RBFOX1: variants seen among roughly 807,000 people sequenced by gnomAD.
RBFOX1 encodes RNA binding protein fox-1 homolog 1.
RBFOX1 carries 8 observed loss-of-function variants against 57.7 expected under a neutral mutation model. The observed-to-expected ratio is 0.14, with a 90% CI of 0.08 to 0.25. The LOEUF (loss-of-function observed/expected upper bound fraction) is 0.25. Among genes scored for constraint, RBFOX1 ranks in the 10% least tolerant of loss-of-function variants. The pLI, the probability that RBFOX1 is intolerant of heterozygous loss-of-function variation, is 1.00. For synonymous variants in RBFOX1, 326 were observed against 222.4 expected (o/e 1.47, Z -4.15); for missense variants, 611 against 548.5 (o/e 1.11, Z -1.14).
chr16:5,622,151 C>G (rs1054622790), intron 3 of RBFOX1, among the ~76,000 whole-genome samples: 2 of 152,202 alleles, frequency 1.3e-5, no homozygotes, highest in South Asian at 4.1e-4. Context: ...ACCAATTCCA[C>G]TTGGCATCGA....
At chr16:6,634,753 G>GATATATTTGTATTAA (rs1567972966) in intron 2 of RBFOX1, among the ~76,000 whole-genome samples, 3 of 33,680 alleles carry the variant, frequency 8.9e-5, no homozygotes, top group Non-Finnish European at 2.8e-4. Flanking sequence ...AATATACAAA[G>GATATATTTGTATTAA]ATATACATAT....
At position 7,527,268 on chromosome 16, in the gene RBFOX1, A is replaced by G. The variant is rs899098567; in HGVS notation, c.270+8879A>G. 3.9e-5 allele frequency among the ~76,000 whole-genome samples: 6 copies of G among 152,142 alleles called. No homozygotes were observed. In the East Asian group the frequency reaches 1.2e-3, roughly 29 times the overall value. On this transcript the variant is annotated intron_variant, in intron 5 of 15. Transcript: ENST00000550418. Reference sequence around the variant, plus strand: ...CTCACTCCCATGTATTCTCTGCAATACATGGCCCTTGGCTTTCAGGATAAA... The same window carrying G: ...CTCACTCCCATGTATTCTCTGCAATGCATGGCCCTTGGCTTTCAGGATAAA...
chr16:6,592,594 T>G (rs1262280539), intron 2 of RBFOX1, among the ~76,000 whole-genome samples: 1 of 152,172 alleles, frequency 6.6e-6, no homozygotes, highest in South Asian at 2.1e-4. Flanking sequence ...TGTAATACCT[T>G]TCTTTGCTTT....
rs571325054 is a variant in RBFOX1, at chr16:5,960,048, A to C, written c.351+92713A>C. On this transcript the variant is annotated intron_variant, in intron 4 of 19. Coordinates refer to the RBFOX1 transcript ENST00000641259. ...AAACCCCGTCTCTACTATAAATAAAAAAATTAGCCGGGCATGGTGACATGT... is the reference window on the plus strand; with the variant it reads ...AAACCCCGTCTCTACTATAAATAAACAAATTAGCCGGGCATGGTGACATGT... Among the ~76,000 whole-genome samples the C allele has an allele frequency of 1.2e-4, 18 of 152,262 alleles. No individual in the cohort carries two copies. In the South Asian group the frequency reaches 2.1e-3, roughly 18 times the overall value.
chr16:7,555,057 C>T (rs994362522), intron 5 of RBFOX1, among the ~76,000 whole-genome samples: 7 of 151,980 alleles, frequency 4.6e-5, no homozygotes, highest in African/African-American at 1.5e-4. Flanking sequence ...CAGAATAAAT[C>T]GGATAAAGGG....
chr16:7,227,631 T>C (rs1426088536), intron 4 of RBFOX1, among the ~76,000 whole-genome samples: 2 of 152,022 alleles, frequency 1.3e-5, no homozygotes, highest in Non-Finnish European at 2.9e-5. Flanking sequence ...AGCCCAGTCA[T>C]TGTAGCCACT....
chr16:6,132,848 A>G (rs1156417981), intron 1 of RBFOX1, among the ~76,000 whole-genome samples: 1 of 151,842 alleles, frequency 6.6e-6, no homozygotes, highest in African/African-American at 2.4e-5. Context: ...TTAGCTGGGC[A>G]TGGTGGCGCA....
intron 3 of RBFOX1, among the ~76,000 whole-genome samples, chr16:7,036,880 C>T (rs1046243091): frequency 2.6e-5 from 4 of 152,166 alleles, no homozygotes; most frequent in Admixed American, 1.3e-4. Flanking sequence ...TGATGAGCCC[C>T]TTGGGGCTGC....
At chr16:7,509,969 T>TG (rs2074553080) in intron 4 of RBFOX1, among the ~76,000 whole-genome samples, 2 of 146,014 alleles carry the variant, frequency 1.4e-5, no homozygotes, top group Non-Finnish European at 3.0e-5. Context: ...GCAGTGGGTT[T>TG]TTTTTTTTTT....
chr16:7,582,611 G>A (rs559101224), intron 6 of RBFOX1, among the ~76,000 whole-genome samples: 2 of 152,290 alleles, frequency 1.3e-5, no homozygotes, highest in South Asian at 4.1e-4. Flanking sequence ...CTGGAGCTTA[G>A]GGAATTTAGG....
intron 4 of RBFOX1, among the ~76,000 whole-genome samples, chr16:5,975,091 A>T (rs1334208391): frequency 6.6e-6 from 1 of 152,242 alleles, no homozygotes; most frequent in Non-Finnish European, 1.5e-5. Flanking sequence ...TAATAAGTTG[A>T]AACAACAACA....
chr16:7,704,377 AATG>A (rs2081748496), intron 14 of RBFOX1, among the ~76,000 whole-genome samples: 4 of 152,154 alleles, frequency 2.6e-5, no homozygotes, highest in Admixed American at 6.5e-5. Context: ...AACTCACAGA[AATG>A]ATGTAAAAAG....
intron 3 of RBFOX1, among the ~76,000 whole-genome samples, chr16:7,024,947 A>T (rs1242073351): frequency 6.6e-6 from 1 of 152,164 alleles, no homozygotes; most frequent in Non-Finnish European, 1.5e-5. Context: ...AGAGAGGAAC[A>T]GGACATTCAC....
At chr16:6,315,701 A>G (rs1276468679) in intron 1 of RBFOX1, among the ~76,000 whole-genome samples, 1 of 152,206 alleles carries the variant, frequency 6.6e-6, no homozygotes, top group Admixed American at 6.5e-5. Context: ...ATGCAAAGCA[A>G]AAGGCTATTG....
intron 2 of RBFOX1, among the ~76,000 whole-genome samples, chr16:6,440,331 G>T (rs528277070): frequency 1.3e-5 from 2 of 152,228 alleles, no homozygotes; most frequent in East Asian, 3.9e-4. Context: ...GGGGCCTGTG[G>T]GATGGGAGAA....
chr16:6,897,775 C>T (rs911963571), intron 3 of RBFOX1, among the ~76,000 whole-genome samples: 2 of 152,172 alleles, frequency 1.3e-5, no homozygotes, highest in African/African-American at 4.8e-5. Context: ...CCTTGGATGA[C>T]AGAGCGAGAT....
chr16:5,403,721 C>T (rs995154448), intron 1 of RBFOX1, among the ~76,000 whole-genome samples: 4 of 152,170 alleles, frequency 2.6e-5, no homozygotes, highest in African/African-American at 7.2e-5. Flanking sequence ...GCTGGGGTTA[C>T]AGGCATGAGC....
At chr16:6,078,295 G>C (rs1025455724) in intron 1 of RBFOX1, among the ~76,000 whole-genome samples, 2 of 152,150 alleles carry the variant, frequency 1.3e-5, no homozygotes, top group African/African-American at 4.8e-5. Flanking sequence ...AGCCTCTAGA[G>C]CAAGCTTCTC....
chr16:6,902,702 A>T (rs945420049), intron 3 of RBFOX1, among the ~76,000 whole-genome samples: 1 of 152,196 alleles, frequency 6.6e-6, no homozygotes, highest in South Asian at 2.1e-4. Flanking sequence ...GGTCAGGGTG[A>T]CAAGTCAAGA....
Sources: allele counts gnomAD v4.1 joint callset (sites outside exome capture counted in the v4.1 genomes callset), GRCh38; gene constraint gnomAD v4.1.1; transcripts MANE v1.5; gene names NCBI Gene and HGNC (gene_info 2026-07-23, HGNC 2026-07-21).